IK: variants seen among roughly 807,000 people sequenced by gnomAD.
The protein encoded by IK is protein Red.
Under a neutral mutation model 90.9 loss-of-function variants are expected in IK, and 47 were observed. The observed-to-expected ratio is 0.52, with a 90% CI of 0.41 to 0.66. The LOEUF (loss-of-function observed/expected upper bound fraction) is 0.66, where lower values mean the gene tolerates loss of function less well. IK is among the 30% of genes least tolerant of loss of function. The pLI is 0.00. For missense variants in IK, 385 were observed against 709.3 expected (o/e 0.54, Z 5.19); for synonymous variants, 201 against 227.5 (o/e 0.88, Z 1.05).
Position 140,657,621 on chromosome 5 carries a change from G to C in IK, c.869G>C (p.Arg290Thr). ...CTGACCCAGATCCTTTCATACCTGAGGCAGGGAACCCGTAACAAGAAGCTT... is the reference window on the plus strand; with the variant it reads ...CTGACCCAGATCCTTTCATACCTGACGCAGGGAACCCGTAACAAGAAGCTT... ...SKLTQILSYL[R>T]QGTRNKKLKK... The change falls in exon 10 of 20, where the codon AGG (arginine) becomes ACG (threonine). Residue 290 changes from arginine (R) to threonine (T), a missense_variant. Transcript: ENST00000417647. 6.2e-7 allele frequency: 1 copy of C among 1,613,546 alleles called. No individual in the cohort carries two copies. The highest frequency in any genetic ancestry group is 8.5e-7 in the Non-Finnish European group (1 of 1,179,662).
intron 1 of IK, 190 bp from the exon 2 acceptor site, chr5:140,648,281 C>T: frequency 2.8e-6 from 2 of 712,494 alleles, no homozygotes; most frequent in Non-Finnish European, 5.1e-6. Flanking sequence ...TCCTCCAGCG[C>T]AGGATTAGGG....
In IK at chr5:140,648,478, G is replaced by T. The variant is rs1232546999; in HGVS notation, c.24G>T (p.Pro8=). Residue 8 remains proline (P), a synonymous_variant, in exon 2 of 20, where the codon CCG becomes CCT. Transcript: ENST00000417647. ...GTCAATTTTTTTTGTCAGGTGAGCCGTTCTCCAACCCTTTGGCCCCCGATG... is the reference window on the plus strand; with the variant it reads ...GTCAATTTTTTTTGTCAGGTGAGCCTTTCTCCAACCCTTTGGCCCCCGATG... MPERDSE[P]FSNPLAPDGH... 6.2e-7 allele frequency: 1 copy of T among 1,613,916 alleles called. No homozygotes were observed. The highest frequency in any genetic ancestry group is 1.1e-5 in the South Asian group (1 of 91,086).
At position 140,648,633 on chromosome 5, in the gene IK, G is replaced by A. The variant is rs1225871853; in HGVS notation, c.83+96G>A. On this transcript the variant is annotated intron_variant, in intron 2 of 19. Coordinates refer to ENST00000417647, the MANE Select transcript of IK (RefSeq NM_006083.4). Reference sequence around the variant, plus strand: ...GAATTCTGAATGTCTTGTCATCAAGGATGGTAAAAAATTATACCCGCTGGC... The same window carrying A: ...GAATTCTGAATGTCTTGTCATCAAGAATGGTAAAAAATTATACCCGCTGGC... The A allele has an allele frequency of 9.5e-6, 12 of 1,265,558 alleles. No individual in the cohort carries two copies. The East Asian group carries it at 2.6e-4, about 27-fold the overall frequency. 78.4% of individuals were successfully genotyped at this position (1,265,558 alleles called of 1,614,324 possible). A position where few individuals can be genotyped will look rare whatever the true frequency, so the allele number is the denominator to read the frequency against.
rs1194030431 is a variant in IK, at chr5:140,662,470, T to C, written c.*141T>C. 1 of 891,594 alleles carries C rather than the reference T, an allele frequency of 1.1e-6. No homozygotes were observed. The highest frequency in any genetic ancestry group is 2.1e-5 in the Admixed American group (1 of 47,442). The allele number at this position is 891,594 out of a possible 1,614,324, so 55.2% of individuals were successfully genotyped here. A position where few individuals can be genotyped will look rare whatever the true frequency, so the allele number is the denominator to read the frequency against. On this transcript the variant is annotated 3_prime_UTR_variant, in exon 20 of 20. Transcript: ENST00000417647. ...AATTACTTGGTTCCATTAAAATTGG[T>C]TAACTTGCTATTTTCTTTGTTGAGC... is the stretch of plus-strand genomic sequence containing the variant.
intron 13 of IK, 61 bp from the exon 14 acceptor site, chr5:140,659,695 G>A: frequency 3.8e-6 from 4 of 1,060,556 alleles, no homozygotes; most frequent in Non-Finnish European, 5.7e-6. Flanking sequence ...TAAGTGTGTT[G>A]TGGGGAGGAG....
Position 140,662,313 on chromosome 5 carries a change from A to G in IK, c.1658A>G (p.Lys553Arg), listed in dbSNP as rs765492006. The G allele has an allele frequency of 1.1e-5, 18 of 1,613,914 alleles. No homozygotes were observed. The Admixed American group carries it at 2.3e-4, about 21-fold the overall frequency. Residue 553 changes from lysine (K) to arginine (R), a missense_variant, in exon 20 of 20, where the codon AAA becomes AGA. Transcript: ENST00000417647. ...KKMEADGVEVKRPKY is the reference protein window; with the variant it reads ...KKMEADGVEVRRPKY ...TCCTTCCATTGCAGGGTTGAAGTCAAAAGACCAAAATACTAATCACTAGTT... is the reference window on the plus strand; with the variant it reads ...TCCTTCCATTGCAGGGTTGAAGTCAGAAGACCAAAATACTAATCACTAGTT...
chr5:140,648,846 A>AT (rs956708165), intron 2 of IK: 40 of 326,202 alleles, frequency 1.2e-4, no homozygotes, highest in Admixed American at 2.9e-4. Flanking sequence ...TCATCTTTTT[A>AT]TTTTTTTTGA....
chr5:140,652,681 G>T (rs916185137), intron 4 of IK, among the ~76,000 whole-genome samples: 1 of 152,182 alleles, frequency 6.6e-6, no homozygotes, highest in East Asian at 1.9e-4. Context: ...TGATTTTTGT[G>T]TGGAAAAGTC....
chr5:140,654,145 CAGA>C (rs1757667021), intron 6 of IK, 93 bp downstream of exon 6: 2 of 750,680 alleles, frequency 2.7e-6, no homozygotes, highest in Admixed American at 4.4e-5. Flanking sequence ...CCTGAGAGTT[CAGA>C]CTGAGTAGAA....
chr5:140,649,541 A>G (rs1391573395), intron 2 of IK, among the ~76,000 whole-genome samples: 1 of 148,174 alleles, frequency 6.7e-6, no homozygotes, highest in Admixed American at 6.8e-5. Flanking sequence ...AAGTAACCAC[A>G]GTTACCTTTT....
At chr5:140,658,833 T>G in intron 11 of IK, 57 bp downstream of exon 11, 3 of 1,596,144 alleles carry the variant, frequency 1.9e-6, no homozygotes, top group Non-Finnish European at 2.6e-6. Flanking sequence ...ACATTTCTTG[T>G]GTCTGGCATT....
chr5:140,659,106 A>G lies in IK; in HGVS notation c.1118A>G (p.Glu373Gly). ...GAACGAGAGCGAGAGCGGGACCGAG[A>G]GAGAGAAGAGGAAAAGAAGAGACAC... Reference protein sequence around the residue: ...DRERERERDREREEEKKRHSY... With the variant: ...DRERERERDRGREEEKKRHSY... The change falls in exon 12 of 20, where the codon GAG becomes GGG. Residue 373 changes from glutamate (E) to glycine (G), a missense_variant. Transcript: ENST00000417647. 6.2e-7 allele frequency: 1 copy of G among 1,608,822 alleles called. No individual in the cohort carries two copies. Among genetic ancestry groups the G allele is most frequent in the East Asian group, 2.2e-5 (1 of 44,684 alleles).
chr5:140,655,974 T>C lies in IK; in HGVS notation c.783T>C (p.Ala261=), dbSNP rs1048818319. ...DIPTTLIRSK[A]DCPTMEAQTT... is the part of the protein sequence containing the mutation. ...CCACCACTCTTATCCGCAGCAAGGC[T>C]GATTGCCCCACCATGGAGGTGAGTG... The change falls in exon 9 of 20, where the codon GCT becomes GCC. Residue 261 remains alanine (A), a synonymous_variant. Coordinates refer to ENST00000417647, the MANE Select transcript of IK (RefSeq NM_006083.4). 4 of 1,552,836 alleles carry C rather than the reference T, an allele frequency of 2.6e-6. No individual in the cohort carries two copies. The African/African-American group carries it at 5.5e-5, about 21-fold the overall frequency.
intron 5 of IK, among the ~76,000 whole-genome samples, chr5:140,653,412 G>A (rs566368924): frequency 5.3e-4 from 79 of 150,432 alleles, no homozygotes; most frequent in Middle Eastern, 6.9e-3. Flanking sequence ...TCAGCCTCCC[G>A]AGTAGCTGGG....
In IK at chr5:140,652,166, G is replaced by T; in HGVS notation, c.236+19G>T. 1 of 1,600,406 alleles carries T rather than the reference G, an allele frequency of 6.2e-7. No individual in the cohort carries two copies. The highest frequency in any genetic ancestry group is 1.1e-5 in the South Asian group (1 of 90,752). Reference sequence around the variant, plus strand: ...AGAAAAGGTGAAGGAAGGGTGAAGGGTTTTAGATTTTAAGGTGGATAGTGT... The same window carrying T: ...AGAAAAGGTGAAGGAAGGGTGAAGGTTTTTAGATTTTAAGGTGGATAGTGT... On this transcript the variant is annotated intron_variant, in intron 4 of 19. Coordinates refer to ENST00000417647, the MANE Select transcript of IK (RefSeq NM_006083.4).
chr5:140,660,516 T>G, intron 15 of IK: 1 of 545,934 alleles, frequency 1.8e-6, no homozygotes, highest in Non-Finnish European at 3.2e-6. Context: ...GAGGCTGGTC[T>G]TGAACTCCTG....
intron 2 of IK, 122 bp from the exon 3 acceptor site, chr5:140,651,592 T>G (rs1581480906): frequency 1.4e-5 from 8 of 585,744 alleles, no homozygotes; most frequent in East Asian, 3.1e-5. Flanking sequence ...AAAAAAACAG[T>G]GTCATATCTT....
chr5:140,655,919 T>G lies in IK; in HGVS notation c.728T>G (p.Leu243Arg), dbSNP rs1322118608. The change falls in exon 9 of 20, where the codon CTG becomes CGG. Residue 243 changes from leucine to arginine, a missense_variant. Physicochemically the swap from Leu to Arg is moderately radical, Grantham distance 102. Coordinates refer to ENST00000417647, the MANE Select transcript of IK (RefSeq NM_006083.4). The part of the protein sequence containing the change: ...LPGRMAYVVD[L>R]DDEYADTDIP... ...GGCCGCATGGCCTATGTGGTAGACC[T>G]GGATGATGAGTATGCTGACACAGAT... is the stretch of plus-strand genomic sequence containing the variant. 1.9e-6 allele frequency: 3 copies of G among 1,583,904 alleles called. No individual in the cohort carries two copies. The highest frequency in any genetic ancestry group is 2.6e-6 in the Non-Finnish European group (3 of 1,163,664).
chr5:140,653,120 G>A lies in IK; in HGVS notation c.380G>A (p.Arg127Lys). Residue 127 changes from arginine to lysine, a missense_variant, in exon 5 of 20, where the codon AGG (arginine) becomes AAG (lysine). Arg to Lys is a conservative substitution (Grantham distance 26). Transcript: ENST00000417647. ...TELISTTANY[R>K]AVGPTAEADK... ...CTTATCAGCACCACAGCTAACTATAGGGCTGTTGGCCCCACTGCTGAGGCG... is the reference window on the plus strand; with the variant it reads ...CTTATCAGCACCACAGCTAACTATAAGGCTGTTGGCCCCACTGCTGAGGCG... 2 of 1,613,764 alleles carry A rather than the reference G, an allele frequency of 1.2e-6. No individual in the cohort carries two copies. Among genetic ancestry groups the A allele is most frequent in the Non-Finnish European group, 1.7e-6 (2 of 1,179,798 alleles).
Sources: allele counts gnomAD v4.1 joint callset (sites outside exome capture counted in the v4.1 genomes callset), GRCh38; gene constraint gnomAD v4.1.1; transcripts MANE v1.5; gene names NCBI Gene and HGNC (gene_info 2026-07-23, HGNC 2026-07-21).